LRRC27: variants seen among roughly 807,000 people sequenced by gnomAD.
The protein encoded by LRRC27 is leucine rich repeat containing 27, also known as leucine-rich repeat-containing protein 27.
In LRRC27, 57 loss-of-function variants were observed where a neutral mutation model predicts 55.0. The ratio of observed to expected loss-of-function variants is 1.04; its 90% CI spans 0.84 to 1.29. The LOEUF (loss-of-function observed/expected upper bound fraction) is 1.29. LRRC27 is among the 50% of genes most tolerant of loss of function. The pLI is 0.00. For synonymous variants in LRRC27, 278 were observed against 251.9 expected, an observed-to-expected ratio of 1.10 and a Z score of -0.98; for missense variants, 721 against 651.5, an observed-to-expected ratio of 1.11 and a Z score of -1.16.
At chr10:132,341,887 T>C (rs1268677551) in intron 3 of LRRC27, among the ~76,000 whole-genome samples, 3 of 152,234 alleles carry the variant, frequency 2.0e-5, no homozygotes, top group Non-Finnish European at 2.9e-5. Flanking sequence ...TGGCAATGTC[T>C]GGAGACATCT....
chr10:132,361,107 A>G (rs1023193155), intron 8 of LRRC27, among the ~76,000 whole-genome samples: 2 of 152,142 alleles, frequency 1.3e-5, no homozygotes, highest in African/African-American at 2.4e-5. Flanking sequence ...CCATCTAAGG[A>G]CGCCTGTAGG....
At chr10:132,359,160 G>C (rs929910753) in intron 8 of LRRC27, among the ~76,000 whole-genome samples, 1 of 150,544 alleles carries the variant, frequency 6.6e-6, no homozygotes, top group Non-Finnish European at 1.5e-5. Context: ...GGAGCAGCGT[G>C]GGGAGGTGCT....
At chr10:132,371,825 C>T (rs866302198) in intron 10 of LRRC27, among the ~76,000 whole-genome samples, 7 of 152,316 alleles carry the variant, frequency 4.6e-5, no homozygotes, top group Middle Eastern at 3.4e-3. Flanking sequence ...AGGTGGAGGC[C>T]GTGGGCCAGG....
chr10:132,355,527 G>A (rs1394801238), intron 7 of LRRC27, among the ~76,000 whole-genome samples: 1 of 152,212 alleles, frequency 6.6e-6, no homozygotes. Context: ...CTCGGTCACT[G>A]GGTCGGGTTG....
chr10:132,330,500 G>C, upstream of LRRC27: 2 of 716,968 alleles, frequency 2.8e-6, no homozygotes, highest in Non-Finnish European at 5.2e-6. Flanking sequence ...TTGGTAGATA[G>C]TTGGGTATGT....
At position 132,372,372 on chromosome 10, in the gene LRRC27, A is replaced by G. The variant is rs1263176061; in HGVS notation, c.1417-2694A>G. 2.6e-5 allele frequency among the ~76,000 whole-genome samples: 4 copies of G among 152,192 alleles called. No individual in the cohort carries two copies. The highest frequency in any genetic ancestry group is 4.8e-5 in the African/African-American group (2 of 41,446). On this transcript the variant is annotated intron_variant, in intron 10 of 10. Coordinates refer to ENST00000368614, the MANE Select transcript of LRRC27 (RefSeq NM_030626.3). This position sits in a 1 kb window ranked among gnomAD's most constrained non-coding sequence, Gnocchi z 4.0. ...ACCTGAGGTCAGGAGTTTGAGACCA[A>G]CCTGGCCAACCTGGTGAAACCCCGT...
chr10:132,331,360 C>T, upstream of LRRC27: 1 of 1,463,988 alleles, frequency 6.8e-7, no homozygotes, highest in Non-Finnish European at 9.2e-7. Flanking sequence ...CACAGGACCA[C>T]GCGAGCACCT....
In LRRC27 at chr10:132,374,572, T is replaced by C. The variant is rs1290716420; in HGVS notation, c.1417-494T>C. 6.6e-6 allele frequency among the ~76,000 whole-genome samples: 1 copy of C among 152,222 alleles called. No homozygotes were observed. Among genetic ancestry groups the C allele is most frequent in the South Asian group, 2.1e-4 (1 of 4,834 alleles). On this transcript the variant is annotated intron_variant, in intron 10 of 10. Transcript: ENST00000368614. This position sits in a 1 kb window ranked among gnomAD's most constrained non-coding sequence, Gnocchi z 4.4. ...AAGTTCCTTCTCCTGTAGGAACCCC[T>C]GATCCACAGCTTCTGTGTCTGTGGG...
In LRRC27 at chr10:132,344,533, C is replaced by T. The variant is rs762974661; in HGVS notation, c.436C>T (p.His146Tyr). 5.6e-6 allele frequency: 9 copies of T among 1,614,020 alleles called. No individual in the cohort carries two copies. In the Admixed American group the frequency reaches 1.3e-4, roughly 24 times the overall value. ...CACGCTGAAAGCACTGAACCTAAGA[C>T]ACTGCCCTCTGGAATTCCCTCCTCA... ...VTTLKALNLR[H>Y]CPLEFPPQLV... is the part of the protein sequence containing the mutation. The change falls in exon 5 of 11, where the codon CAC (histidine) becomes TAC (tyrosine). Residue 146 changes from histidine (H) to tyrosine (Y), a missense_variant. By Grantham distance (83) the His-to-Tyr change is moderately conservative (BLOSUM62 2). Coordinates refer to ENST00000368614, the MANE Select transcript of LRRC27 (RefSeq NM_030626.3).
chr10:132,380,987 G>C lies in LRRC27; in HGVS notation c.*5745G>C, dbSNP rs551491462. On this transcript the variant is annotated 3_prime_UTR_variant, in exon 11 of 11. Coordinates refer to ENST00000368614, the MANE Select transcript of LRRC27 (RefSeq NM_030626.3). The stretch of plus-strand genomic sequence containing the variant: ...CTTTTTATCTTGTATTGGGAATGCA[G>C]CTTTTATGTGGGTATAGGATTGCTG... Among the ~76,000 whole-genome samples, 1 of 152,232 alleles carries C rather than the reference G, an allele frequency of 6.6e-6. No individual in the cohort carries two copies. The highest frequency in any genetic ancestry group is 1.5e-5 in the Non-Finnish European group (1 of 68,028).
intron 7 of LRRC27, among the ~76,000 whole-genome samples, chr10:132,353,756 G>T (rs2068177166): frequency 6.6e-6 from 1 of 152,194 alleles, no homozygotes; most frequent in Admixed American, 6.5e-5. Context: ...GTGCCCATCA[G>T]TCGCCCCACA....
chr10:132,379,519 C>A lies in LRRC27; in HGVS notation c.*4277C>A, dbSNP rs1245906106. The A allele has an allele frequency of 6.6e-6, 1 of 152,402 alleles. No homozygotes were observed. Among genetic ancestry groups the A allele is most frequent in the African/African-American group, 2.4e-5 (1 of 41,460 alleles). 9.4% of individuals were successfully genotyped at this position (152,402 alleles called of 1,614,324 possible). A position where few individuals can be genotyped will look rare whatever the true frequency, so the allele number is the denominator to read the frequency against. ...TCTCTGCCGGAATTCCACATCTGCT[C>A]GTGCATGCCATCCACCTTTTCCACT... On this transcript the variant is annotated 3_prime_UTR_variant, in exon 11 of 11. Transcript: ENST00000368614.
chr10:132,348,375 G>A lies in LRRC27; in HGVS notation c.926+19G>A, dbSNP rs374042131. On this transcript the variant is annotated intron_variant, in intron 6 of 10. Transcript: ENST00000368614. The surrounding 1 kb of genome is among the most constrained non-coding windows in gnomAD (Gnocchi z 4.2). The stretch of plus-strand genomic sequence containing the variant: ...TTTTCAGGTAAAACTGAAAAGCAAC[G>A]GGGGATTTTCTTGATCTTTGCGAAT... 5.0e-6 allele frequency: 8 copies of A among 1,597,148 alleles called. No homozygotes were observed. Among genetic ancestry groups the A allele is most frequent in the Admixed American group, 1.8e-5 (1 of 56,954 alleles).
intron 5 of LRRC27, among the ~76,000 whole-genome samples, chr10:132,346,030 G>A (rs934986692): frequency 2.6e-5 from 4 of 152,196 alleles, no homozygotes; most frequent in Admixed American, 6.5e-5. Flanking sequence ...TTGGTGAATC[G>A]CTATGGCGAT....
rs907627742 is a variant in LRRC27 at position 132,332,772 on chromosome 10, C to T, written c.-49+516C>T. On this transcript the variant is annotated intron_variant, in intron 1 of 10. Coordinates refer to ENST00000368614, the MANE Select transcript of LRRC27 (RefSeq NM_030626.3). ...CCCCTGGAACAGTTCCCTAACTGATCTGCGCCTCATATGCCAATCATTGGG... is the reference window on the plus strand; with the variant it reads ...CCCCTGGAACAGTTCCCTAACTGATTTGCGCCTCATATGCCAATCATTGGG... 2.6e-5 allele frequency among the ~76,000 whole-genome samples: 4 copies of T among 152,198 alleles called. No individual in the cohort carries two copies. In the East Asian group the frequency reaches 7.7e-4, roughly 29 times the overall value.
Position 132,374,255 on chromosome 10 carries a change from G to A in LRRC27, c.1417-811G>A, listed in dbSNP as rs565730161. 6.3e-4 allele frequency among the ~76,000 whole-genome samples: 96 copies of A among 152,244 alleles called. No individual in the cohort carries two copies. Among genetic ancestry groups the A allele is most frequent in the African/African-American group, 2.2e-3 (91 of 41,530 alleles). ...TATGTCTGTATGGGGCGGGGAGGCT[G>A]CAGGGGTCTCCTGGGACCTGCACTG... On this transcript the variant is annotated intron_variant, in intron 10 of 10. Transcript: ENST00000368614. The surrounding 1 kb of genome is among the most constrained non-coding windows in gnomAD (Gnocchi z 4.4).
Position 132,372,048 on chromosome 10 carries a change from A to G in LRRC27, c.1417-3018A>G, listed in dbSNP as rs779097477. Among the ~76,000 whole-genome samples, 2 of 152,278 alleles carry G rather than the reference A, an allele frequency of 1.3e-5. No individual in the cohort carries two copies. The highest frequency in any genetic ancestry group is 6.5e-5 in the Admixed American group (1 of 15,284). Reference sequence around the variant, plus strand: ...CAGCAAAATGCCAGCAAAGATGCACAGTGATGCAGCCCCAGAGCCTGAAAA... The same window carrying G: ...CAGCAAAATGCCAGCAAAGATGCACGGTGATGCAGCCCCAGAGCCTGAAAA... On this transcript the variant is annotated intron_variant, in intron 10 of 10. Coordinates refer to ENST00000368614, the MANE Select transcript of LRRC27 (RefSeq NM_030626.3). The surrounding 1 kb of genome is among the most constrained non-coding windows in gnomAD (Gnocchi z 4.0).
Position 132,375,767 on chromosome 10 carries a change from C to T in LRRC27, c.*525C>T, listed in dbSNP as rs1409222154. The T allele has an allele frequency of 1.3e-5, 2 of 152,946 alleles. No homozygotes were observed. The highest frequency in any genetic ancestry group is 2.9e-5 in the Non-Finnish European group (2 of 68,696). 9.5% of individuals were successfully genotyped at this position (152,946 alleles called of 1,614,324 possible). Reference sequence around the variant, plus strand: ...TCCTTTCCCCTGGGGGCCCTCCTTTCCCCTGCTCCCTGCCCAGCTACGGGG... The same window carrying T: ...TCCTTTCCCCTGGGGGCCCTCCTTTTCCCTGCTCCCTGCCCAGCTACGGGG... On this transcript the variant is annotated 3_prime_UTR_variant, in exon 11 of 11. Coordinates refer to ENST00000368614, the MANE Select transcript of LRRC27 (RefSeq NM_030626.3).
At position 132,372,987 on chromosome 10, in the gene LRRC27, C is replaced by A. The variant is rs959056360; in HGVS notation, c.1417-2079C>A. Among the ~76,000 whole-genome samples the A allele has an allele frequency of 6.6e-6, 1 of 152,092 alleles. No homozygotes were observed. The highest frequency in any genetic ancestry group is 6.6e-5 in the Admixed American group (1 of 15,262). ...AAGGTGAGGGAGAGGCCAAAGCCAGCCGGCTGGGGAGCGAGCTTCGAATGG... is the reference window on the plus strand; with the variant it reads ...AAGGTGAGGGAGAGGCCAAAGCCAGACGGCTGGGGAGCGAGCTTCGAATGG... On this transcript the variant is annotated intron_variant, in intron 10 of 10. Coordinates refer to ENST00000368614, the MANE Select transcript of LRRC27 (RefSeq NM_030626.3). This position sits in a 1 kb window ranked among gnomAD's most constrained non-coding sequence, Gnocchi z 4.0.
Sources: allele counts gnomAD v4.1 joint callset (sites outside exome capture counted in the v4.1 genomes callset), GRCh38; gene constraint gnomAD v4.1.1; non-coding constraint Gnocchi (gnomAD v3.1); transcripts MANE v1.5; gene names NCBI Gene and HGNC (gene_info 2026-07-23, HGNC 2026-07-21).